The following MAP4 variants were observed in gnomAD, a reference collection of about 807,000 sequenced individuals.
The protein encoded by MAP4 is microtubule associated protein 4, also known as microtubule-associated protein 4.
Under a neutral mutation model 170.2 loss-of-function variants are expected in MAP4, and 76 were observed. The observed-to-expected ratio is 0.45, with a 90% CI of 0.37 to 0.54. The LOEUF (loss-of-function observed/expected upper bound fraction) is 0.54. MAP4 is among the 20% of genes least tolerant of loss of function. The probability of loss-of-function intolerance (pLI) is 0.00; values close to 1 mark genes in which losing one functional copy is unlikely to be tolerated. For missense variants in MAP4, 2,506 were observed against 2,748.0 expected, an observed-to-expected ratio of 0.91 and a Z score of 1.97; for synonymous variants, 909 against 994.5, an observed-to-expected ratio of 0.91 and a Z score of 1.62.
chr3:48,050,288 A>C (rs1017720932), intron 1 of MAP4, among the ~76,000 whole-genome samples: 1 of 151,536 alleles, frequency 6.6e-6, no homozygotes, highest in Non-Finnish European at 1.5e-5. Flanking sequence ...TAAAGTCAAA[A>C]GGCAAATAAC....
chr3:47,930,792 G>A (rs970679488), intron 3 of MAP4, among the ~76,000 whole-genome samples: 2 of 151,896 alleles, frequency 1.3e-5, no homozygotes, highest in Non-Finnish European at 2.9e-5. Flanking sequence ...AGCCGGGCAT[G>A]GTGGAGGATG....
chr3:47,979,670 A>G (rs1409566400), intron 2 of MAP4, among the ~76,000 whole-genome samples: 1 of 152,012 alleles, frequency 6.6e-6, no homozygotes, highest in Non-Finnish European at 1.5e-5. Flanking sequence ...TATGTTGGCC[A>G]AGCTGGTCTC....
rs1160233690 is a variant in MAP4, at chr3:47,852,945, T to C, written c.6887-7A>G. The C allele has an allele frequency of 6.2e-7, 1 of 1,611,916 alleles. No individual in the cohort carries two copies. The highest frequency in any genetic ancestry group is 1.1e-5 in the South Asian group (1 of 90,882). Reference sequence around the variant, plus strand: ...TCAGCCTGTAGGTCTCAATCTGCAGTGACATGGGAGGAGGGAAGGGAGAGG... The same window carrying C: ...TCAGCCTGTAGGTCTCAATCTGCAGCGACATGGGAGGAGGGAAGGGAGAGG... On this transcript the variant is annotated splice_region_variant and splice_polypyrimidine_tract_variant and intron_variant, in intron 20 of 20. Coordinates refer to ENST00000683076, the MANE Select transcript of MAP4 (RefSeq NM_001385682.1).
intron 1 of MAP4, among the ~76,000 whole-genome samples, chr3:48,060,384 C>T (rs185837014): frequency 3.3e-5 from 5 of 151,700 alleles, no homozygotes; most frequent in East Asian, 3.9e-4. Flanking sequence ...ATGTAAGATA[C>T]GAAACTATAA....
intron 1 of MAP4, among the ~76,000 whole-genome samples, chr3:48,010,380 T>A (rs2100104611): frequency 6.6e-6 from 1 of 152,242 alleles, no homozygotes. Context: ...TGTACTAATA[T>A]CTTCACTTTA....
intron 1 of MAP4, among the ~76,000 whole-genome samples, chr3:48,050,455 G>A (rs2100127092): frequency 6.6e-6 from 1 of 151,140 alleles, no homozygotes. Context: ...AATAATAAAT[G>A]TGAAAAAAAA....
At chr3:47,887,852 C>A (rs184823645) in intron 10 of MAP4, among the ~76,000 whole-genome samples, 2 of 147,414 alleles carry the variant, frequency 1.4e-5, no homozygotes, top group South Asian at 2.1e-4. Context: ...ATACACCAAT[C>A]GGCACTCTGT....
At chr3:48,028,401 G>C (rs2100114175) in intron 1 of MAP4, among the ~76,000 whole-genome samples, 1 of 152,096 alleles carries the variant, frequency 6.6e-6, no homozygotes, top group South Asian at 2.1e-4. Flanking sequence ...ATTTTGGCTG[G>C]GTTTTAGTGG....
intron 3 of MAP4, among the ~76,000 whole-genome samples, chr3:47,967,814 T>G (rs1214071408): frequency 1.3e-5 from 2 of 152,164 alleles, no homozygotes; most frequent in African/African-American, 4.8e-5. Context: ...ATTTTAAAAA[T>G]TAGCCAGGCA....
At chr3:47,926,344 C>T (rs1164977817) in intron 4 of MAP4, among the ~76,000 whole-genome samples, 3 of 150,950 alleles carry the variant, frequency 2.0e-5, no homozygotes, top group African/African-American at 4.9e-5. Flanking sequence ...CCACCATGCC[C>T]GGCTGATTTT....
At chr3:48,072,400 G>A (rs1318010227) in intron 1 of MAP4, among the ~76,000 whole-genome samples, 1 of 150,444 alleles carries the variant, frequency 6.6e-6, no homozygotes, top group Non-Finnish European at 1.5e-5. Flanking sequence ...ACTTGGGAGG[G>A]TGAGACAGGA....
intron 4 of MAP4, among the ~76,000 whole-genome samples, chr3:47,925,598 G>C (rs572090216): frequency 1.1e-4 from 16 of 152,198 alleles, no homozygotes; most frequent in African/African-American, 3.9e-4. Context: ...CCTCAAAACA[G>C]TATGCTAAGT....
chr3:48,080,951 C>T (rs1164251097), intron 1 of MAP4, among the ~76,000 whole-genome samples: 4 of 152,098 alleles, frequency 2.6e-5, no homozygotes, highest in Non-Finnish European at 4.4e-5. Flanking sequence ...GGTGAAACCC[C>T]GTCTCTACTA....
intron 10 of MAP4, among the ~76,000 whole-genome samples, chr3:47,878,306 T>C (rs2095926467): frequency 6.6e-6 from 1 of 151,990 alleles, no homozygotes; most frequent in Non-Finnish European, 1.5e-5. Flanking sequence ...AACACTATAA[T>C]AAAAGTCAAA....
intron 1 of MAP4, among the ~76,000 whole-genome samples, chr3:48,000,375 T>C (rs1035392430): frequency 6.6e-5 from 10 of 152,140 alleles, no homozygotes; most frequent in Admixed American, 3.3e-4. Flanking sequence ...ATAGGATAAG[T>C]TGACATATAA....
intron 3 of MAP4, among the ~76,000 whole-genome samples, chr3:47,976,019 A>T (rs1003358797): frequency 6.6e-6 from 1 of 151,838 alleles, no homozygotes. Context: ...CAAACTCCCA[A>T]CCTCAGGTGA....
intron 1 of MAP4, among the ~76,000 whole-genome samples, chr3:48,087,741 A>ACGCGCGCGCACACACACACACACACG (rs5848844): frequency 2.4e-5 from 3 of 125,172 alleles, no homozygotes; most frequent in Admixed American, 1.6e-4. Flanking sequence ...ACACACACGC[A>ACGCGCGCGCACACACACACACACACG]CGCGCACACA....
chr3:47,890,747 C>A (rs936293955), intron 10 of MAP4, among the ~76,000 whole-genome samples: 23 of 152,048 alleles, frequency 1.5e-4, no homozygotes, highest in Non-Finnish European at 7.4e-5. Context: ...GTTTTTATAC[C>A]CACCATTCTC....
At chr3:47,980,576 A>G (rs1395639220) in intron 2 of MAP4, among the ~76,000 whole-genome samples, 1 of 152,230 alleles carries the variant, frequency 6.6e-6, no homozygotes, top group Non-Finnish European at 1.5e-5. Context: ...AATCTAAAAG[A>G]ACAAGGCAGT....
Sources: allele counts gnomAD v4.1 joint callset (sites outside exome capture counted in the v4.1 genomes callset), GRCh38; gene constraint gnomAD v4.1.1; transcripts MANE v1.5; gene names NCBI Gene and HGNC (gene_info 2026-07-23, HGNC 2026-07-21).